Variants in POLR1D observed in about 807,000 individuals in gnomAD.
POLR1D encodes RNA polymerase I and III subunit D, also known as DNA-directed RNA polymerases I and III subunit RPAC2.
A neutral mutation model predicts 10.8 loss-of-function variants in POLR1D; 8 were observed. That is an observed-to-expected ratio of 0.74 (90% CI 0.43 to 1.33). POLR1D has a LOEUF of 1.33. Ranked by LOEUF, POLR1D falls within the 40% of genes most tolerant of loss-of-function variation. The pLI is 0.01. For synonymous variants in POLR1D, 54 were observed against 57.2 expected, an observed-to-expected ratio of 0.94 and a Z score of 0.25; for missense variants, 152 against 161.7, an observed-to-expected ratio of 0.94 and a Z score of 0.32.
chr13:27,621,806 T>TCATGCCCCGCCCCGCGGCTGGGC (rs1955926934), upstream of POLR1D: 2 of 617,584 alleles, frequency 3.2e-6, no homozygotes, highest in African/African-American at 3.9e-5. Context: ...GGGTGGAGCC[T>TCATGCCCCGCCCCGCGGCTGGGC]CATGCCCCGC....
At chr13:27,661,795 T>C (rs1009919750) in intron 2 of POLR1D, among the ~76,000 whole-genome samples, 2 of 152,186 alleles carry the variant, frequency 1.3e-5, no homozygotes, top group East Asian at 3.8e-4. Context: ...ATCCTAAAAC[T>C]GGAAGGGACT....
chr13:27,655,717 A>G (rs949167008), intron 2 of POLR1D, among the ~76,000 whole-genome samples: 2 of 152,218 alleles, frequency 1.3e-5, no homozygotes, highest in South Asian at 4.1e-4. Flanking sequence ...GAATGAGATG[A>G]GAATATTGCA....
At chr13:27,647,536 T>C (rs1232220020) in intron 1 of POLR1D, among the ~76,000 whole-genome samples, 1 of 152,116 alleles carries the variant, frequency 6.6e-6, no homozygotes, top group African/African-American at 2.4e-5. Flanking sequence ...TCCAAATGTT[T>C]TTCTATGTAA....
At chr13:27,642,804 G>T (rs946248242) in intron 1 of POLR1D, among the ~76,000 whole-genome samples, 51 of 152,284 alleles carry the variant, frequency 3.3e-4, no homozygotes, top group Non-Finnish European at 7.1e-4. Flanking sequence ...TAACAACCCT[G>T]TGAAGTAATT....
chr13:27,653,290 TC>T lies in POLR1D; in HGVS notation c.101+4838del, dbSNP rs557406563. Among the ~76,000 whole-genome samples the T allele has an allele frequency of 1.6e-3, 250 of 152,252 alleles. 1 individual carries two copies. The highest frequency in any genetic ancestry group is 5.8e-3 in the African/African-American group (240 of 41,538). The stretch of plus-strand genomic sequence containing the variant: ...AAGGACAGAAATTTCATCTTTTTTT[TC>T]ATAGGCAGTTGCGTGGCAGATAAGT... On this transcript the variant is annotated intron_variant, in intron 2 of 2. Transcript: ENST00000399697.
At chr13:27,634,675 C>CTTTTTTT (rs369618281) in intron 1 of POLR1D, among the ~76,000 whole-genome samples, 2 of 124,982 alleles carry the variant, frequency 1.6e-5, no homozygotes, top group South Asian at 2.6e-4. Flanking sequence ...ATAGACTCTG[C>CTTTTTTT]TTTTTTTTTT....
At chr13:27,631,326 A>G (rs1956071163) in intron 1 of POLR1D, among the ~76,000 whole-genome samples, 1 of 152,226 alleles carries the variant, frequency 6.6e-6, no homozygotes, top group African/African-American at 2.4e-5. Context: ...TGCCAGAGCC[A>G]GGAAAACAGA....
At chr13:27,634,876 T>C (rs1956107790) in intron 1 of POLR1D, among the ~76,000 whole-genome samples, 1 of 151,972 alleles carries the variant, frequency 6.6e-6, no homozygotes, top group South Asian at 2.1e-4. Flanking sequence ...GGGTTTTGCA[T>C]GTTGCCCAGC....
rs1434479298 is a variant in POLR1D, at chr13:27,623,200, A to G, written c.352A>G (p.Ile118Val). The change falls in exon 2 of 2, where the codon ATA (isoleucine) becomes GTA (valine). Residue 118 changes from isoleucine (I) to valine (V), a missense_variant. Coordinates refer to ENST00000302979, the MANE Select transcript of POLR1D (RefSeq NM_015972.4). ...QHVLDKFEAS[I>V]KDYKDQKASR... ...TGTGCTTGACAAGTTTGAGGCCAGC[A>G]TAAAGGACTATAAGGATCAAAAAGC... 2 of 1,614,198 alleles carry G rather than the reference A, an allele frequency of 1.2e-6. No homozygotes were observed. Among genetic ancestry groups the G allele is most frequent in the African/African-American group, 1.3e-5 (1 of 75,060 alleles).
At chr13:27,645,066 T>C (rs955067480) in intron 1 of POLR1D, among the ~76,000 whole-genome samples, 9 of 152,328 alleles carry the variant, frequency 5.9e-5, no homozygotes, top group Non-Finnish European at 1.0e-4. Context: ...TGCTAAGAAT[T>C]GTTTTCTTCT....
rs1242268081 is a variant in POLR1D, at chr13:27,662,092, C to A, written c.102-3594C>A. 1.8e-4 allele frequency among the ~76,000 whole-genome samples: 27 copies of A among 151,960 alleles called. 1 individual carries two copies. The highest frequency in any genetic ancestry group is 1.7e-3 in the Admixed American group (26 of 15,272). On this transcript the variant is annotated intron_variant, in intron 2 of 2. Transcript: ENST00000399697. ...AATGATGGCTTACTTTTTTCTTAAT[C>A]TTTTCTTTCATAGAGATTCTACTCT...
At chr13:27,648,202 TTA>T in intron 1 of POLR1D, 1 of 522,342 alleles carries the variant, frequency 1.9e-6, no homozygotes, top group South Asian at 2.0e-5. Context: ...TCTCTTTATA[TTA>T]ATAGTTTCTT....
chr13:27,640,950 G>A (rs1322908518), intron 1 of POLR1D, among the ~76,000 whole-genome samples: 2 of 151,860 alleles, frequency 1.3e-5, no homozygotes, highest in Admixed American at 1.3e-4. Flanking sequence ...ATATTACATT[G>A]TACTAGGTAT....
At chr13:27,632,539 T>A (rs1439446892) in intron 1 of POLR1D, among the ~76,000 whole-genome samples, 5 of 152,142 alleles carry the variant, frequency 3.3e-5, no homozygotes, top group African/African-American at 7.2e-5. Flanking sequence ...CATGCCTACC[T>A]TCACAGAGTT....
At chr13:27,665,785 G>A in exon 3 of POLR1D, 3 of 1,614,024 alleles carry the variant, frequency 1.9e-6, no homozygotes, top group Non-Finnish European at 2.5e-6. Context: ...AACAAAAAGA[G>A]GGCGATAAGG....
chr13:27,636,004 A>T (rs1372104287), intron 1 of POLR1D, among the ~76,000 whole-genome samples: 1 of 152,148 alleles, frequency 6.6e-6, no homozygotes, highest in Non-Finnish European at 1.5e-5. Flanking sequence ...TTTAGGGACT[A>T]TATAAAGATA....
intron 2 of POLR1D, among the ~76,000 whole-genome samples, chr13:27,664,380 G>C (rs1218573865): frequency 2.0e-5 from 3 of 152,138 alleles, no homozygotes; most frequent in Non-Finnish European, 4.4e-5. Flanking sequence ...CACCACCTCT[G>C]AATGTTCCCA....
chr13:27,648,804 C>T (rs550456475), intron 2 of POLR1D, among the ~76,000 whole-genome samples: 26 of 152,192 alleles, frequency 1.7e-4, no homozygotes, highest in African/African-American at 5.3e-4. Context: ...ACTTATAGTC[C>T]TTAGTAAATT....
At chr13:27,640,752 T>C (rs1956165711) in intron 1 of POLR1D, among the ~76,000 whole-genome samples, 1 of 152,216 alleles carries the variant, frequency 6.6e-6, no homozygotes, top group Non-Finnish European at 1.5e-5. Context: ...TTAATACTTT[T>C]AGACTATTAT....
Sources: allele counts gnomAD v4.1 joint callset (sites outside exome capture counted in the v4.1 genomes callset), GRCh38; gene constraint gnomAD v4.1.1; transcripts MANE v1.5; gene names NCBI Gene and HGNC (gene_info 2026-07-23, HGNC 2026-07-21).